CHRNB3: variants seen among roughly 807,000 people sequenced by gnomAD.
CHRNB3 encodes cholinergic receptor nicotinic beta 3 subunit.
CHRNB3 carries 37 observed loss-of-function variants against 40.6 expected under a neutral mutation model. The ratio of observed to expected loss-of-function variants is 0.91; its 90% CI spans 0.70 to 1.20. The LOEUF (loss-of-function observed/expected upper bound fraction) is 1.20, where lower values mean the gene tolerates loss of function less well. Ranked by LOEUF, CHRNB3 falls within the 50% of genes most tolerant of loss-of-function variation. CHRNB3 has a pLI of 0.00. For missense variants in CHRNB3, 505 were observed against 551.2 expected (o/e 0.92, Z 0.84); for synonymous variants, 207 against 207.1 (o/e 1.00, Z 0.00).
intron 1 of CHRNB3, 84 bp from the exon 2 acceptor site, chr8:42,708,633 G>A: frequency 6.8e-7 from 1 of 1,462,664 alleles, no homozygotes; most frequent in Non-Finnish European, 9.4e-7. Context: ...GGTGCAGGAG[G>A]CCAAGGCCAC....
At chr8:42,703,675 G>C (rs1272430001) in intron 1 of CHRNB3, among the ~76,000 whole-genome samples, 1 of 151,762 alleles carries the variant, frequency 6.6e-6, no homozygotes, top group Non-Finnish European at 1.5e-5. Flanking sequence ...TTACATCTTC[G>C]GGAGCAGTGA....
intron 1 of CHRNB3, among the ~76,000 whole-genome samples, chr8:42,701,544 T>C (rs1815799520): frequency 6.6e-6 from 1 of 152,040 alleles, no homozygotes; most frequent in Non-Finnish European, 1.5e-5. Flanking sequence ...CCTGTCTCTA[T>C]TAAAAAATAA....
chr8:42,715,297 C>T (rs2128906379), intron 3 of CHRNB3, among the ~76,000 whole-genome samples: 1 of 152,232 alleles, frequency 6.6e-6, no homozygotes, highest in Non-Finnish European at 1.5e-5. Context: ...TCTTACAGGA[C>T]TAACAGAAGT....
Position 42,736,495 on chromosome 8 carries a change from C to T in CHRNB3, c.1254C>T (p.Asp418=). The T allele has an allele frequency of 6.2e-7, 1 of 1,614,198 alleles. No homozygotes were observed. Among genetic ancestry groups the T allele is most frequent in the Non-Finnish European group, 8.5e-7 (1 of 1,180,046 alleles). The change falls in exon 6 of 6, where the codon GAC becomes GAT. Residue 418 remains aspartate (D), a synonymous_variant. Transcript: ENST00000289957. ...TTTCTCTTTTGCAGGTAGTACAAGA[C>T]TGGAAATTTGTAGCTCAAGTTCTTG... is the stretch of plus-strand genomic sequence containing the variant. The part of the protein sequence containing the change: ...KEHFISQVVQ[D]WKFVAQVLDR...
At position 42,701,806 on chromosome 8, in the gene CHRNB3, G is replaced by A. The variant is rs75628551; in HGVS notation, c.52+4208G>A. Among the ~76,000 whole-genome samples the A allele has an allele frequency of 6.2e-3, 940 of 152,240 alleles. 4 individuals carry two copies. Among genetic ancestry groups the A allele is most frequent in the Middle Eastern group, 0.017 (5 of 294 alleles). ...CAGTCATATGCACATCTTAAACTCT[G>A]ACAGTCTTTTGTATCTTGAAAACAG... is the stretch of plus-strand genomic sequence containing the variant. On this transcript the variant is annotated intron_variant, in intron 1 of 5. Coordinates refer to ENST00000289957, the MANE Select transcript of CHRNB3 (RefSeq NM_000749.5).
intron 3 of CHRNB3, among the ~76,000 whole-genome samples, chr8:42,723,807 C>A (rs549547532): frequency 2.0e-5 from 3 of 152,110 alleles, no homozygotes; most frequent in Non-Finnish European, 2.9e-5. Context: ...TATTTTAGTC[C>A]GGTTGTGGTG....
chr8:42,706,020 G>A (rs1440626612), intron 1 of CHRNB3: 1 of 152,220 alleles, frequency 6.6e-6, no homozygotes, highest in Non-Finnish European at 1.5e-5. Flanking sequence ...ACAATAAACA[G>A]ATAAATGTGA....
At chr8:42,725,422 A>AG in intron 3 of CHRNB3, 1 of 566,308 alleles carries the variant, frequency 1.8e-6, no homozygotes, top group Non-Finnish European at 3.2e-6. Flanking sequence ...CTTCCTTTCC[A>AG]TTTTTTGAAG....
At chr8:42,717,666 A>ACTTCACCTCTCTGACCCTCAGTCT (rs1374956151) in intron 3 of CHRNB3, among the ~76,000 whole-genome samples, 4 of 151,824 alleles carry the variant, frequency 2.6e-5, no homozygotes, top group Admixed American at 1.3e-4. Flanking sequence ...TGGGCAAGTC[A>ACTTCACCTCTCTGACCCTCAGTCT]CTTCACCTCT....
At chr8:42,726,257 A>C (rs1313957999) in intron 3 of CHRNB3, 2 of 684,022 alleles carry the variant, frequency 2.9e-6, no homozygotes, top group Non-Finnish European at 5.1e-6. Flanking sequence ...ACTACTACTC[A>C]GTAATTAAGG....
rs1399602173 is a variant in CHRNB3 at position 42,737,380 on chromosome 8, T to C, written c.*762T>C. 1 of 152,240 alleles carries C rather than the reference T, an allele frequency of 6.6e-6. No individual in the cohort carries two copies. Among genetic ancestry groups the C allele is most frequent in the Non-Finnish European group, 1.5e-5 (1 of 68,068 alleles). 9.4% of individuals were successfully genotyped at this position (152,240 alleles called of 1,614,324 possible). ...GAAGTGGATTCATTAATACCCATTA[T>C]CTTTTCCTAGTAAACTAGTGTACAG... On this transcript the variant is annotated 3_prime_UTR_variant, in exon 6 of 6. Coordinates refer to ENST00000289957, the MANE Select transcript of CHRNB3 (RefSeq NM_000749.5).
chr8:42,734,654 C>T (rs1816490264), intron 5 of CHRNB3, among the ~76,000 whole-genome samples: 2 of 151,574 alleles, frequency 1.3e-5, no homozygotes, highest in South Asian at 2.1e-4. Flanking sequence ...TTCCTGACCT[C>T]GTGATCCGCC....
At chr8:42,735,632 A>G (rs1320728179) in intron 5 of CHRNB3, among the ~76,000 whole-genome samples, 1 of 151,478 alleles carries the variant, frequency 6.6e-6, no homozygotes, top group Non-Finnish European at 1.5e-5. Flanking sequence ...AGGGATGAGG[A>G]CTCCCCTTCC....
At chr8:42,729,821 C>T (rs1391724688) in intron 3 of CHRNB3, among the ~76,000 whole-genome samples, 3 of 152,060 alleles carry the variant, frequency 2.0e-5, no homozygotes, top group Non-Finnish European at 2.9e-5. Context: ...GTAATAGAGT[C>T]CACTCTGCTG....
At position 42,697,524 on chromosome 8, in the gene CHRNB3, G is replaced by C. The variant is rs753347170; in HGVS notation, c.-23G>C. 2 of 1,607,800 alleles carry C rather than the reference G, an allele frequency of 1.2e-6. No individual in the cohort carries two copies. Among genetic ancestry groups the C allele is most frequent in the Middle Eastern group, 1.7e-4 (1 of 6,052 alleles). On this transcript the variant is annotated 5_prime_UTR_variant, in exon 1 of 6. Coordinates refer to ENST00000289957, the MANE Select transcript of CHRNB3 (RefSeq NM_000749.5). ...CTCTGTTGTTAAAAAGGAAGAAACT[G>C]TCTTTCTGAAACTGACATCACGATG...
At chr8:42,723,867 C>G (rs920230667) in intron 3 of CHRNB3, among the ~76,000 whole-genome samples, 6 of 152,150 alleles carry the variant, frequency 3.9e-5, no homozygotes, top group African/African-American at 1.4e-4. Context: ...AGGTGGATTA[C>G]CTGAAGTCAG....
chr8:42,717,148 C>A (rs924605270), intron 3 of CHRNB3, among the ~76,000 whole-genome samples: 1 of 148,308 alleles, frequency 6.7e-6, no homozygotes, highest in African/African-American at 2.5e-5. Flanking sequence ...CCGAGGCGGG[C>A]GGATCACGAG....
intron 3 of CHRNB3, among the ~76,000 whole-genome samples, chr8:42,712,187 T>G (rs1185186566): frequency 6.6e-6 from 1 of 152,066 alleles, no homozygotes; most frequent in Admixed American, 6.6e-5. Flanking sequence ...GAGATGGGGT[T>G]TCACCATGTT....
chr8:42,712,007 T>G (rs1816024490), intron 3 of CHRNB3, among the ~76,000 whole-genome samples: 5 of 151,982 alleles, frequency 3.3e-5, no homozygotes, highest in Admixed American at 3.3e-4. Context: ...TTTTCTTTTT[T>G]TTTGAGACCG....
Sources: gnomAD v4.1 joint callset for allele counts (sites outside exome capture counted in the v4.1 genomes callset) on GRCh38, gnomAD v4.1.1 for gene constraint, MANE v1.5 for transcripts, NCBI Gene and HGNC (gene_info 2026-07-23, HGNC 2026-07-21) for gene names.